DPYSL2: variants seen among roughly 807,000 people sequenced by gnomAD.
DPYSL2 encodes dihydropyrimidinase-related protein 2.
DPYSL2 carries 13 observed loss-of-function variants against 69.9 expected under a neutral mutation model. The ratio of observed to expected loss-of-function variants is 0.19; its 90% CI spans 0.12 to 0.30. The LOEUF is 0.30. DPYSL2 is among the 10% of genes least tolerant of loss of function. The pLI, the probability that DPYSL2 is intolerant of heterozygous loss-of-function variation, is 1.00. For synonymous variants in DPYSL2, 326 were observed against 359.1 expected (o/e 0.91, Z 1.04); for missense variants, 587 against 918.9 (o/e 0.64, Z 4.67).
intron 3 of DPYSL2, among the ~76,000 whole-genome samples, chr8:26,606,111 A>G (rs1277525874): frequency 2.6e-5 from 4 of 152,216 alleles, no homozygotes; most frequent in African/African-American, 9.6e-5. Flanking sequence ...AGACAGCTAT[A>G]TAAGCAGGTT....
chr8:26,614,183 C>T lies in DPYSL2; in HGVS notation c.629-9960C>T, dbSNP rs1479845414. Reference sequence around the variant, plus strand: ...GAAAATGAGGGTGGAGGAAGAAGAGCCAGCGGAAGATTCTTCTGAGACATG... The same window carrying T: ...GAAAATGAGGGTGGAGGAAGAAGAGTCAGCGGAAGATTCTTCTGAGACATG... On this transcript the variant is annotated intron_variant, in intron 3 of 13. Transcript: ENST00000521913. The surrounding 1 kb of genome is among the most constrained non-coding windows in gnomAD (Gnocchi z 4.9). 6.6e-6 allele frequency among the ~76,000 whole-genome samples: 1 copy of T among 151,830 alleles called. No individual in the cohort carries two copies. Among genetic ancestry groups the T allele is most frequent in the Non-Finnish European group, 1.5e-5 (1 of 67,954 alleles).
chr8:26,559,143 G>A (rs1406667752), intron 1 of DPYSL2, among the ~76,000 whole-genome samples: 1 of 152,002 alleles, frequency 6.6e-6, no homozygotes, highest in South Asian at 2.1e-4. Flanking sequence ...GGGTTTCACC[G>A]TGTTGCCCAG....
At chr8:26,602,198 T>C (rs1802009657) in intron 3 of DPYSL2, among the ~76,000 whole-genome samples, 1 of 151,630 alleles carries the variant, frequency 6.6e-6, no homozygotes. Context: ...AGGAGCGTAT[T>C]AGATAATATT....
chr8:26,636,031 C>T (rs1471618697), intron 8 of DPYSL2, among the ~76,000 whole-genome samples: 2 of 152,144 alleles, frequency 1.3e-5, no homozygotes, highest in Non-Finnish European at 2.9e-5. Flanking sequence ...GAGATGATGA[C>T]TTCCAGACGG....
intron 1 of DPYSL2, among the ~76,000 whole-genome samples, chr8:26,532,534 C>T (rs1445272258): frequency 6.6e-6 from 1 of 152,164 alleles, no homozygotes; most frequent in Admixed American, 6.5e-5. Flanking sequence ...TCCATTTCTT[C>T]CACCCCTAGC....
intron 1 of DPYSL2, among the ~76,000 whole-genome samples, chr8:26,525,003 A>G (rs553258513): frequency 2.6e-5 from 4 of 152,122 alleles, no homozygotes; most frequent in Middle Eastern, 3.4e-3. Context: ...GTTAAAATGT[A>G]TTCATTTTAA....
In DPYSL2 at chr8:26,654,319, TTC is replaced by T. The variant is rs1307660492; in HGVS notation, c.1942+924_1942+925del. ...ATTTTTAAGTTTCCTTGCTTGAAAC[TTC>T]TTTCCCATCTTTCATTTGTCCCATG... is the stretch of plus-strand genomic sequence containing the variant. On this transcript the variant is annotated intron_variant, in intron 13 of 13. Transcript: ENST00000521913. The surrounding 1 kb of genome is among the most constrained non-coding windows in gnomAD (Gnocchi z 5.0). 1.3e-5 allele frequency among the ~76,000 whole-genome samples: 2 copies of T among 152,184 alleles called. No individual in the cohort carries two copies. Among genetic ancestry groups the T allele is most frequent in the East Asian group, 3.8e-4 (2 of 5,198 alleles).
At chr8:26,649,249 C>G (rs1803233597) in intron 11 of DPYSL2, among the ~76,000 whole-genome samples, 1 of 152,250 alleles carries the variant, frequency 6.6e-6, no homozygotes, top group African/African-American at 2.4e-5. Context: ...GTTCAGGACT[C>G]TTCCCTGCCA....
intron 13 of DPYSL2, among the ~76,000 whole-genome samples, chr8:26,655,047 T>C (rs1803353244): frequency 6.6e-6 from 1 of 151,698 alleles, no homozygotes; most frequent in African/African-American, 2.4e-5. Flanking sequence ...AGGCTCTCAC[T>C]GTGTTGCCCA....
intron 3 of DPYSL2, among the ~76,000 whole-genome samples, chr8:26,622,090 T>TTTCTTTCCTTCCTTCC (rs1491209184): frequency 1.8e-3 from 113 of 64,436 alleles, no homozygotes; most frequent in Non-Finnish European, 2.8e-3. Context: ...TCTTTCTTTC[T>TTTCTTTCCTTCCTTCC]TTCCTTCCTT....
intron 3 of DPYSL2, among the ~76,000 whole-genome samples, chr8:26,595,503 T>C (rs1801840029): frequency 1.3e-5 from 2 of 152,210 alleles, no homozygotes; most frequent in South Asian, 2.1e-4. Context: ...ATTGCTGTGC[T>C]GTTGAATTCA....
At chr8:26,529,291 C>G (rs1290042370) in intron 1 of DPYSL2, among the ~76,000 whole-genome samples, 1 of 151,576 alleles carries the variant, frequency 6.6e-6, no homozygotes, top group African/African-American at 2.4e-5. Flanking sequence ...ATCTATCTAT[C>G]TATCTATCTA....
chr8:26,553,353 T>A (rs1340361539), intron 1 of DPYSL2, among the ~76,000 whole-genome samples: 1 of 91,852 alleles, frequency 1.1e-5, no homozygotes, highest in Non-Finnish European at 2.4e-5. Context: ...CAATACTTAT[T>A]TTTTTCTGAT....
chr8:26,595,957 T>C (rs1801852754), intron 3 of DPYSL2, among the ~76,000 whole-genome samples: 1 of 151,422 alleles, frequency 6.6e-6, no homozygotes, highest in Non-Finnish European at 1.5e-5. Flanking sequence ...CAGCTGGGAG[T>C]TTGTTTTTTT....
rs151197715 is a variant in DPYSL2 at position 26,610,963 on chromosome 8, C to T, written c.629-13180C>T. Reference sequence around the variant, plus strand: ...GGAGTCCTAAGGTTCTGTAGCTAGCCATGGTAGAGCTGGGGTGTAAACTCA... The same window carrying T: ...GGAGTCCTAAGGTTCTGTAGCTAGCTATGGTAGAGCTGGGGTGTAAACTCA... On this transcript the variant is annotated intron_variant, in intron 3 of 13. Transcript: ENST00000521913. This position sits in a 1 kb window ranked among gnomAD's most constrained non-coding sequence, Gnocchi z 4.5. Among the ~76,000 whole-genome samples the T allele has an allele frequency of 8.9e-4, 136 of 152,234 alleles. 2 individuals carry two copies. The East Asian group carries it at 0.023, about 26-fold the overall frequency.
Position 26,652,130 on chromosome 8 carries a change from G to T in DPYSL2, c.1597-127G>T. ...AAGTAAGTGCCTGCTGGGGTGCCCA[G>T]TTGGGACAGGATCCCTGTCTCTGAG... On this transcript the variant is annotated intron_variant, in intron 11 of 13. Coordinates refer to ENST00000521913, the MANE Select transcript of DPYSL2 (RefSeq NM_001197293.3). The surrounding 1 kb of genome is among the most constrained non-coding windows in gnomAD (Gnocchi z 6.3). The T allele has an allele frequency of 4.6e-6, 4 of 876,054 alleles. No individual in the cohort carries two copies. Among genetic ancestry groups the T allele is most frequent in the Non-Finnish European group, 4.9e-6 (3 of 612,680 alleles). 54.3% of individuals were successfully genotyped at this position (876,054 alleles called of 1,614,324 possible). A position where few individuals can be genotyped will look rare whatever the true frequency, so the allele number is the denominator to read the frequency against.
At chr8:26,632,694 AC>A (rs1802806173) in intron 7 of DPYSL2, among the ~76,000 whole-genome samples, 1 of 152,008 alleles carries the variant, frequency 6.6e-6, no homozygotes, top group African/African-American at 2.4e-5. Context: ...TGGAGTAGTC[AC>A]CTGTATCTCT....
rs1279029852 is a variant in DPYSL2, at chr8:26,582,436, C to G, written c.443+379C>G. On this transcript the variant is annotated intron_variant, in intron 2 of 13. Coordinates refer to ENST00000521913, the MANE Select transcript of DPYSL2 (RefSeq NM_001197293.3). The surrounding 1 kb of genome is among the most constrained non-coding windows in gnomAD (Gnocchi z 4.1). ...GGACGCAAACGTGAAAGACAGTCTCCTCTATTGAGACAGCACATCTGCTTT... is the reference window on the plus strand; with the variant it reads ...GGACGCAAACGTGAAAGACAGTCTCGTCTATTGAGACAGCACATCTGCTTT... Among the ~76,000 whole-genome samples, 1 of 152,196 alleles carries G rather than the reference C, an allele frequency of 6.6e-6. No individual in the cohort carries two copies. Among genetic ancestry groups the G allele is most frequent in the Non-Finnish European group, 1.5e-5 (1 of 68,032 alleles).
chr8:26,584,604 G>T (rs1801558135), intron 3 of DPYSL2, among the ~76,000 whole-genome samples: 1 of 149,876 alleles, frequency 6.7e-6, no homozygotes, highest in South Asian at 2.1e-4. Context: ...TTGCTCCAAG[G>T]GCTTTGTGCT....
Sources: allele counts gnomAD v4.1 joint callset (sites outside exome capture counted in the v4.1 genomes callset), GRCh38; gene constraint gnomAD v4.1.1; non-coding constraint Gnocchi (gnomAD v3.1); transcripts MANE v1.5; gene names NCBI Gene and HGNC (gene_info 2026-07-23, HGNC 2026-07-21).